The following AGTPBP1 variants were observed in gnomAD, a reference collection of about 807,000 sequenced individuals.
The protein encoded by AGTPBP1 is ATP/GTP binding carboxypeptidase 1, also known as cytosolic carboxypeptidase 1.
In AGTPBP1, 70 loss-of-function variants were observed where a neutral mutation model predicts 143.9. That is an observed-to-expected ratio of 0.49 (90% CI 0.40 to 0.59). AGTPBP1 has a LOEUF of 0.59. Ranked by LOEUF, AGTPBP1 falls within the 20% of genes least tolerant of loss-of-function variation. The pLI, the probability that AGTPBP1 is intolerant of heterozygous loss-of-function variation, is 0.00. For missense variants in AGTPBP1, 1,229 were observed against 1,464.5 expected (o/e 0.84, Z 2.62); for synonymous variants, 463 against 500.2 (o/e 0.93, Z 0.99).
Position 85,641,032 on chromosome 9 carries a change from C to T in AGTPBP1, c.1302+1795G>A, listed in dbSNP as rs186365061. 2.0e-5 allele frequency among the ~76,000 whole-genome samples: 3 copies of T among 152,298 alleles called. No homozygotes were observed. In the East Asian group the frequency reaches 5.8e-4, roughly 29 times the overall value. ...ATGGTCCATCCCACCCAGGACATGA[C>T]TCTTCCTTTGTCCAACGTATCCACA... On this transcript the variant is annotated intron_variant, in intron 13 of 25. Transcript: ENST00000357081.
At chr9:85,607,228 G>T (rs968175139) in intron 17 of AGTPBP1, among the ~76,000 whole-genome samples, 8 of 151,936 alleles carry the variant, frequency 5.3e-5, no homozygotes, top group African/African-American at 1.9e-4. Flanking sequence ...GTAGTGAAAG[G>T]TTCAAGTTAA....
At chr9:85,581,347 G>A (rs1035998494) in intron 23 of AGTPBP1, among the ~76,000 whole-genome samples, 5 of 152,194 alleles carry the variant, frequency 3.3e-5, no homozygotes, top group Non-Finnish European at 5.9e-5. Flanking sequence ...CATGTCAACT[G>A]ACTCAGATGT....
chr9:85,635,803 G>A (rs1427868860), intron 13 of AGTPBP1, among the ~76,000 whole-genome samples: 1 of 151,228 alleles, frequency 6.6e-6, no homozygotes, highest in Non-Finnish European at 1.5e-5. Context: ...TCAGTATATA[G>A]GTCCTAGAAA....
At chr9:85,662,821 AC>A (rs1404473704) in intron 8 of AGTPBP1, among the ~76,000 whole-genome samples, 1 of 152,076 alleles carries the variant, frequency 6.6e-6, no homozygotes, top group Non-Finnish European at 1.5e-5. Context: ...GGCTATCTGA[AC>A]TTTCACTTCC....
rs1831251651 is a variant in AGTPBP1, at chr9:85,625,904, G to GCTTT, written c.2016-4620_2016-4619insAAAG. On this transcript the variant is annotated intron_variant, in intron 14 of 25. Coordinates refer to ENST00000357081, the MANE Select transcript of AGTPBP1 (RefSeq NM_001330701.2). ...TGTCTCAAAAAAAAAACCTAGTTTT[G>GCTTT]TTTTTTTTTTTTTTTTTTTTAGGAT... Among the ~76,000 whole-genome samples, 5 of 105,734 alleles carry GCTTT rather than the reference G, an allele frequency of 4.7e-5. No individual in the cohort carries two copies. The South Asian group carries it at 1.7e-3, about 35-fold the overall frequency. The allele number at this position is 105,734 out of a possible 152,430, so 69.4% of individuals were successfully genotyped here. A position where few individuals can be genotyped will look rare whatever the true frequency, so the allele number is the denominator to read the frequency against.
intron 14 of AGTPBP1, among the ~76,000 whole-genome samples, chr9:85,625,289 T>C (rs1831199602): frequency 2.0e-5 from 3 of 152,226 alleles, no homozygotes. Context: ...CTCTCATACA[T>C]GAATTCTTTC....
At chr9:85,678,524 G>T in intron 4 of AGTPBP1, 126 bp from the exon 5 acceptor site, 1 of 487,466 alleles carries the variant, frequency 2.1e-6, no homozygotes, top group South Asian at 4.3e-5. Context: ...AAGGTATTCA[G>T]GTTTTCACTA....
chr9:85,663,741 G>A (rs1370062185), intron 8 of AGTPBP1, among the ~76,000 whole-genome samples: 1 of 151,904 alleles, frequency 6.6e-6, no homozygotes, highest in Non-Finnish European at 1.5e-5. Context: ...CAGAAAGACA[G>A]TTTTTTTGAA....
intron 17 of AGTPBP1, among the ~76,000 whole-genome samples, chr9:85,606,830 A>G (rs1830017829): frequency 6.6e-6 from 1 of 152,058 alleles, no homozygotes; most frequent in Non-Finnish European, 1.5e-5. Context: ...GTTCTCACTC[A>G]TATGTGGTAG....
intron 13 of AGTPBP1, among the ~76,000 whole-genome samples, chr9:85,635,839 A>C (rs565766506): frequency 6.6e-6 from 1 of 152,058 alleles, no homozygotes; most frequent in Non-Finnish European, 1.5e-5. Context: ...AGAAAAAAAA[A>C]AAACACGTAA....
At chr9:85,678,868 T>A (rs542128506) in intron 4 of AGTPBP1, among the ~76,000 whole-genome samples, 10 of 152,332 alleles carry the variant, frequency 6.6e-5, no homozygotes, top group African/African-American at 1.7e-4. Flanking sequence ...TATTGCCCTA[T>A]AGGTACTATT....
At chr9:85,669,006 TGTATAC>T (rs1288601694) in intron 8 of AGTPBP1, among the ~76,000 whole-genome samples, 2 of 74,880 alleles carry the variant, frequency 2.7e-5, no homozygotes, top group East Asian at 2.5e-4. Context: ...TGTGTGTGTG[TGTATAC>T]ATACACACAC....
the AGTPBP1 span, among the ~76,000 whole-genome samples, chr9:85,762,782 A>T: frequency 1.4e-5 from 2 of 145,538 alleles, no homozygotes; most frequent in Admixed American, 6.8e-5. Context: ...TATATATATA[A>T]AACTTTATAT....
chr9:85,768,115 A>T, the AGTPBP1 span, among the ~76,000 whole-genome samples: 1 of 152,242 alleles, frequency 6.6e-6, no homozygotes. Flanking sequence ...TTGCTGAGTT[A>T]GAGGGAACTG....
At chr9:85,572,284 C>T (rs1456252190) in intron 25 of AGTPBP1, among the ~76,000 whole-genome samples, 1 of 151,918 alleles carries the variant, frequency 6.6e-6, no homozygotes, top group Non-Finnish European at 1.5e-5. Flanking sequence ...CTGCCCACCT[C>T]GGCCTTCCAA....
chr9:85,575,170 T>C, intron 25 of AGTPBP1, 145 bp downstream of exon 25: 2 of 521,040 alleles, frequency 3.8e-6, no homozygotes, highest in African/African-American at 2.0e-5. Flanking sequence ...CAATATAAAT[T>C]GGAACAAATA....
intron 17 of AGTPBP1, among the ~76,000 whole-genome samples, chr9:85,606,922 G>C (rs926208160): frequency 5.9e-5 from 9 of 151,984 alleles, no homozygotes; most frequent in African/African-American, 1.7e-4. Context: ...GGATAAGGGG[G>C]GTGAAGAGAG....
chr9:85,796,075 C>T, the AGTPBP1 span, among the ~76,000 whole-genome samples: 55 of 151,930 alleles, frequency 3.6e-4, no homozygotes, highest in Non-Finnish European at 6.0e-4. Context: ...CCAGAGGGTA[C>T]GAGATCCTTT....
intron 17 of AGTPBP1, among the ~76,000 whole-genome samples, chr9:85,611,643 G>A (rs1302455472): frequency 1.3e-5 from 2 of 152,100 alleles, no homozygotes; most frequent in African/African-American, 2.4e-5. Context: ...AAATAAACAA[G>A]GATATAGAAA....
Sources: allele counts gnomAD v4.1 joint callset (sites outside exome capture counted in the v4.1 genomes callset), GRCh38; gene constraint gnomAD v4.1.1; transcripts MANE v1.5; gene names NCBI Gene and HGNC (gene_info 2026-07-23, HGNC 2026-07-21).